The following ZC3HAV1 variants were observed in gnomAD, a reference collection of about 807,000 sequenced individuals.
The protein encoded by ZC3HAV1 is zinc finger CCCH-type antiviral protein 1.
ZC3HAV1 carries 41 observed loss-of-function variants against 86.6 expected under a neutral mutation model. That is an observed-to-expected ratio of 0.47 (90% CI 0.37 to 0.61). ZC3HAV1 has a LOEUF of 0.61. Ranked by LOEUF, ZC3HAV1 falls within the 20% of genes least tolerant of loss-of-function variation. ZC3HAV1 has a pLI of 0.00. For synonymous variants in ZC3HAV1, 421 were observed against 432.1 expected, an observed-to-expected ratio of 0.97 and a Z score of 0.32; for missense variants, 964 against 1,141.1, an observed-to-expected ratio of 0.84 and a Z score of 2.24.
At chr7:139,061,818 T>G (rs1298151918) in intron 8 of ZC3HAV1, among the ~76,000 whole-genome samples, 1 of 152,216 alleles carries the variant, frequency 6.6e-6, no homozygotes, top group African/African-American at 2.4e-5. Context: ...ATAACCTAAG[T>G]GTCCATCAGC....
intron 2 of ZC3HAV1, among the ~76,000 whole-genome samples, chr7:139,088,063 GA>G (rs957029112): frequency 8.9e-5 from 11 of 124,068 alleles, no homozygotes; most frequent in East Asian, 2.4e-4. Flanking sequence ...AAAGAAAAAA[GA>G]AAAAAAAAGT....
chr7:139,102,936 A>ATG, intron 1 of ZC3HAV1, among the ~76,000 whole-genome samples: 1 of 127,930 alleles, frequency 7.8e-6, no homozygotes, highest in Non-Finnish European at 1.6e-5. Context: ...AAAAAAGTAT[A>ATG]TATATATGTA....
intron 12 of ZC3HAV1, among the ~76,000 whole-genome samples, chr7:139,051,714 A>G (rs1816129758): frequency 6.6e-6 from 1 of 152,250 alleles, no homozygotes; most frequent in South Asian, 2.1e-4. Flanking sequence ...CTAAGCTACC[A>G]TGCCTGGCCA....
chr7:139,085,449 A>T lies in ZC3HAV1; in HGVS notation c.445-1417T>A, dbSNP rs554428469. On this transcript the variant is annotated intron_variant, in intron 2 of 12. Transcript: ENST00000242351. ...TTCTCACAAGTCAAAGCAAAATGAA[A>T]AAGTGTGAATACGTAGTTTTTTAGG... Among the ~76,000 whole-genome samples, 16 of 152,344 alleles carry T rather than the reference A, an allele frequency of 1.1e-4. No individual in the cohort carries two copies. The East Asian group carries it at 3.1e-3, about 29-fold the overall frequency.
intron 2 of ZC3HAV1, among the ~76,000 whole-genome samples, chr7:139,085,526 T>TAACACTTGCAGGTGCTTTTA (rs1340773615): frequency 6.6e-6 from 1 of 152,230 alleles, no homozygotes; most frequent in Admixed American, 6.5e-5. Context: ...ACATTGTGAC[T>TAACACTTGCAGGTGCTTTTA]AACACTTGCA....
At chr7:139,067,716 T>C (rs1584849090) in intron 7 of ZC3HAV1, among the ~76,000 whole-genome samples, 1 of 152,218 alleles carries the variant, frequency 6.6e-6, no homozygotes, top group African/African-American at 2.4e-5. Context: ...TCTATAAATT[T>C]ATATACAAAA....
intron 12 of ZC3HAV1, among the ~76,000 whole-genome samples, chr7:139,051,457 A>G (rs575367920): frequency 1.3e-5 from 2 of 149,386 alleles, no homozygotes; most frequent in East Asian, 3.9e-4. Flanking sequence ...CCCAGGCTAG[A>G]GTACAGTGGC....
At chr7:139,075,693 G>T (rs1300853739) in intron 6 of ZC3HAV1, among the ~76,000 whole-genome samples, 3 of 152,168 alleles carry the variant, frequency 2.0e-5, no homozygotes, top group African/African-American at 7.2e-5. Context: ...TCCTGCCTCA[G>T]CCTCCCAAAG....
In ZC3HAV1 at chr7:139,047,650, C is replaced by T; in HGVS notation, c.2653G>A (p.Val885Ile). 6.2e-7 allele frequency: 1 copy of T among 1,614,094 alleles called. No homozygotes were observed. The highest frequency in any genetic ancestry group is 8.5e-7 in the Non-Finnish European group (1 of 1,180,024). Residue 885 changes from valine (V) to isoleucine (I), a missense_variant, in exon 13 of 13, where the codon GTT (valine) becomes ATT (isoleucine). Physicochemically the swap from Val to Ile is conservative, Grantham distance 29. Transcript: ENST00000242351. ...TATTCAATCACATATTGTGGGTAAA[C>T]CTGATCTTTCTGAAAGATGACAAAA... ...SVFVIFQKDQ[V>I]YPQYVIEYTE...
chr7:139,073,782 T>C, intron 7 of ZC3HAV1, 74 bp downstream of exon 7: 1 of 1,453,070 alleles, frequency 6.9e-7, no homozygotes, highest in Non-Finnish European at 9.2e-7. Flanking sequence ...TGAGCCACCG[T>C]GCCCAGCCAA....
chr7:139,061,633 A>G (rs1468185205), intron 8 of ZC3HAV1, among the ~76,000 whole-genome samples: 1 of 152,208 alleles, frequency 6.6e-6, no homozygotes, highest in Non-Finnish European at 1.5e-5. Flanking sequence ...GTAAAATGAA[A>G]CCACCACGTT....
chr7:139,097,496 G>T (rs1456852821), intron 1 of ZC3HAV1, among the ~76,000 whole-genome samples: 1 of 143,912 alleles, frequency 6.9e-6, no homozygotes, highest in African/African-American at 2.6e-5. Flanking sequence ...GTGCAGTGGC[G>T]CGATCTCGGC....
At position 139,083,773 on chromosome 7, in the gene ZC3HAV1, C is replaced by T. The variant is rs1015582779; in HGVS notation, c.697+7G>A. On this transcript the variant is annotated splice_region_variant and intron_variant, in intron 3 of 12. Transcript: ENST00000242351. ...GTTCACACAATTGAAAAAGAAAAGG[C>T]CTTTACCTCTGGGCCCTGGGGGATT... 2 of 1,597,492 alleles carry T rather than the reference C, an allele frequency of 1.3e-6. No individual in the cohort carries two copies. Among genetic ancestry groups the T allele is most frequent in the Non-Finnish European group, 1.7e-6 (2 of 1,170,274 alleles).
intron 1 of ZC3HAV1, among the ~76,000 whole-genome samples, chr7:139,105,124 G>A (rs567226168): frequency 1.3e-5 from 2 of 152,034 alleles, no homozygotes; most frequent in African/African-American, 4.8e-5. Flanking sequence ...TGAGGGAGGA[G>A]GATCATCTGA....
Position 139,056,392 on chromosome 7 carries a change from CCTTTTT to C in ZC3HAV1, c.2097-1103_2097-1098del, listed in dbSNP as rs1233391083. Reference sequence around the variant, plus strand: ...GTTGTTTTTATTGTTTTTTTTTTTTCCTTTTTCTTTTTCTTTTCTTTTCTTTTTTTT... The same window carrying C: ...GTTGTTTTTATTGTTTTTTTTTTTTCCTTTTTCTTTTCTTTTCTTTTTTTT... On this transcript the variant is annotated intron_variant, in intron 9 of 12. Coordinates refer to ENST00000242351, the MANE Select transcript of ZC3HAV1 (RefSeq NM_020119.4). Among the ~76,000 whole-genome samples, 155 of 103,438 alleles carry C rather than the reference CCTTTTT, an allele frequency of 1.5e-3. 1 individual carries two copies. Among genetic ancestry groups the C allele is most frequent in the Non-Finnish European group, 2.5e-3 (130 of 52,136 alleles). 67.9% of individuals were successfully genotyped at this position (103,438 alleles called of 152,430 possible). A position where few individuals can be genotyped will look rare whatever the true frequency, so the allele number is the denominator to read the frequency against.
Position 139,108,923 on chromosome 7 carries a change from G to A in ZC3HAV1, c.308+101C>T. 1.4e-6 allele frequency: 2 copies of A among 1,396,448 alleles called. No homozygotes were observed. Among genetic ancestry groups the A allele is most frequent in the Non-Finnish European group, 1.9e-6 (2 of 1,050,680 alleles). The allele number at this position is 1,396,448 out of a possible 1,614,324, so 86.5% of individuals were successfully genotyped here. On this transcript the variant is annotated intron_variant, in intron 1 of 12. Coordinates refer to ENST00000242351, the MANE Select transcript of ZC3HAV1 (RefSeq NM_020119.4). The surrounding 1 kb of genome is among the most constrained non-coding windows in gnomAD (Gnocchi z 4.2). Reference sequence around the variant, plus strand: ...GCTGGAGGCGGAGGCTGTCAGGTGCGGGGTCCCGGCGAAGCCGTGCCCCTC... The same window carrying A: ...GCTGGAGGCGGAGGCTGTCAGGTGCAGGGTCCCGGCGAAGCCGTGCCCCTC...
chr7:139,078,732 A>C, intron 4 of ZC3HAV1, 79 bp from the exon 5 acceptor site: 6 of 1,067,418 alleles, frequency 5.6e-6, no homozygotes, highest in Non-Finnish European at 8.0e-6. Flanking sequence ...TCACAATGGG[A>C]AAGAATATCT....
At chr7:139,075,722 G>A (rs921423571) in intron 6 of ZC3HAV1, among the ~76,000 whole-genome samples, 1 of 152,024 alleles carries the variant, frequency 6.6e-6, no homozygotes. Context: ...TTACAAGCAT[G>A]AGCAACCACG....
At chr7:139,060,879 A>T in intron 9 of ZC3HAV1, 157 bp downstream of exon 9, 1 of 1,554,438 alleles carries the variant, frequency 6.4e-7, no homozygotes, top group South Asian at 1.1e-5. Context: ...GCTGCTTAAC[A>T]AGCATCTTAC....
Sources: gnomAD v4.1 joint callset for allele counts (sites outside exome capture counted in the v4.1 genomes callset) on GRCh38, gnomAD v4.1.1 for gene constraint, Gnocchi (gnomAD v3.1) non-coding constraint, MANE v1.5 for transcripts, NCBI Gene and HGNC (gene_info 2026-07-23, HGNC 2026-07-21) for gene names.